FARP1: variants seen among roughly 807,000 people sequenced by gnomAD.
FARP1 encodes FERM, ARHGEF and pleckstrin domain-containing protein 1.
In FARP1, 52 loss-of-function variants were observed where a neutral mutation model predicts 128.8. The observed-to-expected ratio is 0.40, with a 90% CI of 0.32 to 0.51. The LOEUF (loss-of-function observed/expected upper bound fraction) is 0.51. FARP1 is among the 20% of genes least tolerant of loss of function. FARP1 has a pLI of 0.45. For synonymous variants in FARP1, 580 were observed against 551.8 expected (o/e 1.05, Z -0.72); for missense variants, 1,333 against 1,367.9 (o/e 0.97, Z 0.40).
intron 2 of FARP1, among the ~76,000 whole-genome samples, chr13:98,246,665 C>G (rs1305209856): frequency 6.6e-6 from 1 of 152,000 alleles, no homozygotes; most frequent in Non-Finnish European, 1.5e-5. Flanking sequence ...GTCCTGGGTA[C>G]TGAAACAATG....
intron 24 of FARP1, among the ~76,000 whole-genome samples, chr13:98,444,594 G>A (rs369118615): frequency 5.9e-5 from 9 of 152,332 alleles, no homozygotes; most frequent in East Asian, 1.9e-4. Flanking sequence ...ACAGGGGAGC[G>A]GGAGGCTCGG....
At chr13:98,149,373 G>A (rs1875808038) in intron 1 of FARP1, among the ~76,000 whole-genome samples, 1 of 150,702 alleles carries the variant, frequency 6.6e-6, no homozygotes, top group Non-Finnish European at 1.5e-5. Flanking sequence ...GGCCATTCAA[G>A]TTGTTTTCAG....
chr13:98,406,256 C>T (rs754826347), intron 13 of FARP1: 3 of 152,202 alleles, frequency 2.0e-5, no homozygotes, highest in Non-Finnish European at 4.4e-5. Flanking sequence ...AAATGAGTTA[C>T]ATATTTTGTT....
chr13:98,416,925 T>C (rs561856130), intron 16 of FARP1, among the ~76,000 whole-genome samples: 67 of 152,116 alleles, frequency 4.4e-4, no homozygotes, highest in Non-Finnish European at 8.2e-4. Context: ...TCATGGAGGA[T>C]CAGCTGCATG....
At chr13:98,250,675 C>T (rs1883280109) in intron 2 of FARP1, among the ~76,000 whole-genome samples, 1 of 150,124 alleles carries the variant, frequency 6.7e-6, no homozygotes, top group Non-Finnish European at 1.5e-5. Flanking sequence ...GAGCCGAGAT[C>T]ACACCACTGC....
chr13:98,448,440 C>CT lies in FARP1; in HGVS notation c.*124dup, dbSNP rs1892999661. ...AATCAAAAACATGGCTTCCCAGCAG[C>CT]TCTCCTGTCTCCACAGCCGCGTTTT... On this transcript the variant is annotated 3_prime_UTR_variant, in exon 27 of 27. Coordinates refer to ENST00000319562, the MANE Select transcript of FARP1 (RefSeq NM_005766.4). 1 of 793,456 alleles carries CT rather than the reference C, an allele frequency of 1.3e-6. No individual in the cohort carries two copies. The allele number at this position is 793,456 out of a possible 1,614,324, so 49.2% of individuals were successfully genotyped here.
intron 1 of FARP1, among the ~76,000 whole-genome samples, chr13:98,182,179 A>G (rs1395529248): frequency 2.6e-5 from 4 of 152,140 alleles, no homozygotes; most frequent in African/African-American, 9.7e-5. Context: ...TAACATTTCT[A>G]TTCTAATAAT....
intron 24 of FARP1, among the ~76,000 whole-genome samples, chr13:98,443,183 G>A (rs1248668612): frequency 6.6e-6 from 1 of 152,172 alleles, no homozygotes; most frequent in African/African-American, 2.4e-5. Flanking sequence ...CTTCAGTTTT[G>A]CCCCTTGGCC....
intron 5 of FARP1, among the ~76,000 whole-genome samples, chr13:98,375,997 A>T (rs1889564724): frequency 6.6e-6 from 1 of 152,160 alleles, no homozygotes; most frequent in African/African-American, 2.4e-5. Flanking sequence ...CAGCAGGTAA[A>T]CTAGATATCT....
At chr13:98,168,192 ATAAAT>A (rs1188144341) in intron 1 of FARP1, among the ~76,000 whole-genome samples, 1 of 150,696 alleles carries the variant, frequency 6.6e-6, no homozygotes, top group East Asian at 2.0e-4. Context: ...AATAAAATAA[ATAAAT>A]AAAAAAGTTT....
rs950664952 is a variant in FARP1 at position 98,455,155 on chromosome 13, T to C, written c.*6838T>C. On this transcript the variant is annotated 3_prime_UTR_variant, in exon 27 of 27. Coordinates refer to ENST00000319562, the MANE Select transcript of FARP1 (RefSeq NM_005766.4). Reference sequence around the variant, plus strand: ...TTGTTATTAATGTTGAAATAATACTTTGGATCTGGCAGGTTAAAAAATGTA... The same window carrying C: ...TTGTTATTAATGTTGAAATAATACTCTGGATCTGGCAGGTTAAAAAATGTA... 9.9e-5 allele frequency: 15 copies of C among 152,232 alleles called. No homozygotes were observed. The highest frequency in any genetic ancestry group is 3.6e-4 in the African/African-American group (15 of 41,456). The allele number at this position is 152,232 out of a possible 1,614,324, so 9.4% of individuals were successfully genotyped here. A position where few individuals can be genotyped will look rare whatever the true frequency, so the allele number is the denominator to read the frequency against.
At chr13:98,311,385 G>C (rs1448778655) in intron 2 of FARP1, among the ~76,000 whole-genome samples, 1 of 152,200 alleles carries the variant, frequency 6.6e-6, no homozygotes, top group Non-Finnish European at 1.5e-5. Flanking sequence ...TAGCAGGTCT[G>C]TGTGTGACTC....
intron 16 of FARP1, among the ~76,000 whole-genome samples, chr13:98,423,942 A>C (rs993036191): frequency 1.3e-5 from 2 of 152,046 alleles, no homozygotes; most frequent in Admixed American, 6.6e-5. Context: ...TGTCTGGGGG[A>C]CCATGGCCCT....
chr13:98,384,978 C>G (rs1237803712), intron 7 of FARP1, 134 bp downstream of exon 7: 8 of 628,136 alleles, frequency 1.3e-5, no homozygotes, highest in Admixed American at 2.6e-5. Flanking sequence ...AAGAAGATCA[C>G]AGAGGCTCAT....
intron 9 of FARP1, among the ~76,000 whole-genome samples, 180 bp downstream of exon 9, chr13:98,388,658 C>G (rs1204214057): frequency 6.6e-6 from 1 of 152,220 alleles, no homozygotes; most frequent in Non-Finnish European, 1.5e-5. Flanking sequence ...GTCGGTAACT[C>G]TACGGCTGTC....
intron 1 of FARP1, among the ~76,000 whole-genome samples, chr13:98,155,724 T>A (rs950492910): frequency 4.6e-5 from 7 of 152,132 alleles, no homozygotes; most frequent in African/African-American, 1.7e-4. Context: ...CTCACAGTGT[T>A]GCCCAGGCTG....
Position 98,176,064 on chromosome 13 carries a change from G to GT in FARP1, c.-24+32574dup. On this transcript the variant is annotated intron_variant, in intron 1 of 26. Transcript: ENST00000319562. This position sits in a 1 kb window ranked among gnomAD's most constrained non-coding sequence, Gnocchi z 6.2. ...TGAGATCCGGATTTCAATTCTTTTG[G>GT]TTACATACTCAGGCATGGGATTGCA... is the stretch of plus-strand genomic sequence containing the variant. The GT allele has an allele frequency of 1.9e-6, 2 of 1,055,240 alleles. No individual in the cohort carries two copies. Among genetic ancestry groups the GT allele is most frequent in the Non-Finnish European group, 2.9e-6 (2 of 691,428 alleles). 65.4% of individuals were successfully genotyped at this position (1,055,240 alleles called of 1,614,324 possible).
At position 98,145,099 on chromosome 13, in the gene FARP1, G is replaced by T. The variant is rs540664583; in HGVS notation, c.-24+1607G>T. Among the ~76,000 whole-genome samples, 8 of 152,300 alleles carry T rather than the reference G, an allele frequency of 5.3e-5. No homozygotes were observed. The East Asian group carries it at 1.5e-3, about 29-fold the overall frequency. On this transcript the variant is annotated intron_variant, in intron 1 of 26. Transcript: ENST00000319562. Reference sequence around the variant, plus strand: ...GTAAAATAAATAGAAGCATTATTGGGCAATGGCTGCTTTACTGAGGGAATT... The same window carrying T: ...GTAAAATAAATAGAAGCATTATTGGTCAATGGCTGCTTTACTGAGGGAATT...
intron 2 of FARP1, among the ~76,000 whole-genome samples, chr13:98,235,845 C>T (rs1449158401): frequency 1.5e-5 from 2 of 135,148 alleles, no homozygotes; most frequent in African/African-American, 5.9e-5. Flanking sequence ...TTCCCTGAGA[C>T]AGAGTTTCGC....
Sources: gnomAD v4.1 joint callset for allele counts (sites outside exome capture counted in the v4.1 genomes callset) on GRCh38, gnomAD v4.1.1 for gene constraint, Gnocchi (gnomAD v3.1) non-coding constraint, MANE v1.5 for transcripts, NCBI Gene and HGNC (gene_info 2026-07-23, HGNC 2026-07-21) for gene names.